SMARCB1: variants seen among roughly 807,000 people sequenced by gnomAD.
The protein encoded by SMARCB1 is SWI/SNF related BAF chromatin remodeling complex subunit B1, also known as SWI/SNF-related matrix-associated actin-dependent regulator of chromatin subfamily B member 1.
In SMARCB1, 5 loss-of-function variants were observed where a neutral mutation model predicts 49.0. The ratio of observed to expected loss-of-function variants is 0.10; its 90% CI spans 0.05 to 0.21. The LOEUF (loss-of-function observed/expected upper bound fraction) is 0.21. SMARCB1 is among the 10% of genes least tolerant of loss of function. The pLI, the probability that SMARCB1 is intolerant of heterozygous loss-of-function variation, is 1.00. For synonymous variants in SMARCB1, 201 were observed against 200.1 expected, an observed-to-expected ratio of 1.00 and a Z score of -0.04; for missense variants, 226 against 509.2, an observed-to-expected ratio of 0.44 and a Z score of 5.35.
chr22:23,801,096 C>T lies in SMARCB1; in HGVS notation c.500+15C>T, dbSNP rs771167929. 7 of 1,614,118 alleles carry T rather than the reference C, an allele frequency of 4.3e-6. No homozygotes were observed. Among genetic ancestry groups the T allele is most frequent in the Non-Finnish European group, 5.9e-6 (7 of 1,180,054 alleles). On this transcript the variant is annotated intron_variant, in intron 4 of 8. Transcript: ENST00000644036. ...TTCCCCCTTTGGTGTGGATGCATCG[C>T]TGCACTCACCCTCCGTGCTGATTCC...
chr22:23,831,985 C>G (rs2030680928), intron 7 of SMARCB1, among the ~76,000 whole-genome samples: 1 of 152,192 alleles, frequency 6.6e-6, no homozygotes, highest in African/African-American at 2.4e-5. Flanking sequence ...TGAGCATGGA[C>G]CTGGTGGGCT....
At position 23,805,825 on chromosome 22, in the gene SMARCB1, A is replaced by C. The variant is rs147882941; in HGVS notation, c.628+2403A>C. ...CGGCTGCTGTTTCTCTTAACATAGAATCTAGCCCAGCATAGGAACTTAGTG... is the reference window on the plus strand; with the variant it reads ...CGGCTGCTGTTTCTCTTAACATAGACTCTAGCCCAGCATAGGAACTTAGTG... On this transcript the variant is annotated intron_variant, in intron 5 of 8. Coordinates refer to ENST00000644036, the MANE Select transcript of SMARCB1 (RefSeq NM_003073.5). Among the ~76,000 whole-genome samples, 102 of 152,304 alleles carry C rather than the reference A, an allele frequency of 6.7e-4. No homozygotes were observed. The Middle Eastern group carries it at 0.01, about 15-fold the overall frequency.
chr22:23,803,464 T>C (rs1244718029), intron 5 of SMARCB1, 42 bp downstream of exon 5: 2 of 1,610,690 alleles, frequency 1.2e-6, no homozygotes, highest in Non-Finnish European at 1.7e-6. Context: ...CCCCAACCCC[T>C]GTGTGTTACG....
intron 1 of SMARCB1, 112 bp downstream of exon 1, chr22:23,787,374 C>T (rs1186622174): frequency 5.9e-6 from 3 of 504,728 alleles, no homozygotes; most frequent in Non-Finnish European, 6.7e-6. Context: ...CGGGCGCGCG[C>T]GCGCGCGCTC....
rs1383073771 is a variant in SMARCB1 at position 23,793,708 on chromosome 22, G to T, written c.362+20G>T. 3.0e-5 allele frequency: 49 copies of T among 1,613,628 alleles called. No homozygotes were observed. Among genetic ancestry groups the T allele is most frequent in the Non-Finnish European group, 3.8e-5 (45 of 1,179,742 alleles). On this transcript the variant is annotated intron_variant, in intron 3 of 8. Coordinates refer to ENST00000644036, the MANE Select transcript of SMARCB1 (RefSeq NM_003073.5). The stretch of plus-strand genomic sequence containing the variant: ...CCTCAGGTAATGCGTTCCTGGCCAG[G>T]GCATCTCTGGGGACACCTGTGGGGT...
chr22:23,787,592 T>C (rs1194288450), intron 1 of SMARCB1, among the ~76,000 whole-genome samples: 1 of 152,180 alleles, frequency 6.6e-6, no homozygotes, highest in Non-Finnish European at 1.5e-5. Flanking sequence ...CTGCGACGCT[T>C]GGGGGACTGC....
At chr22:23,802,148 A>G (rs1929194956) in intron 4 of SMARCB1, 1 of 152,516 alleles carries the variant, frequency 6.6e-6, no homozygotes, top group African/African-American at 2.4e-5. Flanking sequence ...CAGGCAGATC[A>G]TGTCACCTCT....
intron 5 of SMARCB1, among the ~76,000 whole-genome samples, chr22:23,808,245 C>T (rs1023469120): frequency 6.6e-5 from 10 of 152,010 alleles, no homozygotes; most frequent in East Asian, 3.9e-4. Context: ...CTCAGCCTCC[C>T]GAGCAGCTGG....
rs1294321880 is a variant in SMARCB1 at position 23,835,470 on chromosome 22, G to A, written c.*1290G>A. The stretch of plus-strand genomic sequence containing the variant: ...CCATGTGGGGCAGAGGCAGAGCTCT[G>A]ATTAGGGATTGGGGTTCTTGGTCGC... On this transcript the variant is annotated 3_prime_UTR_variant, in exon 9 of 9. Transcript: ENST00000644036. 1.0e-5 allele frequency: 10 copies of A among 985,930 alleles called. No individual in the cohort carries two copies. Among genetic ancestry groups the A allele is most frequent in the Non-Finnish European group, 1.2e-5 (10 of 830,288 alleles). 61.1% of individuals were successfully genotyped at this position (985,930 alleles called of 1,614,324 possible). A position where few individuals can be genotyped will look rare whatever the true frequency, so the allele number is the denominator to read the frequency against.
intron 3 of SMARCB1, 48 bp from the exon 4 acceptor site, chr22:23,800,896 G>C (rs1159058449): frequency 7.1e-7 from 1 of 1,400,422 alleles, no homozygotes; most frequent in Non-Finnish European, 1.0e-6. Context: ...TGGTGGGCAG[G>C]ATCAGGCTCC....
chr22:23,829,059 CAG>C (rs1044154989), intron 7 of SMARCB1, among the ~76,000 whole-genome samples: 45 of 152,310 alleles, frequency 3.0e-4, no homozygotes, highest in South Asian at 2.1e-4. Flanking sequence ...AGGAGGGAGA[CAG>C]GGCTCAAGGG....
rs2030937287 is a variant in SMARCB1, at chr22:23,835,111, A to C, written c.*931A>C. 3 of 1,381,626 alleles carry C rather than the reference A, an allele frequency of 2.2e-6. No homozygotes were observed. The highest frequency in any genetic ancestry group is 2.8e-6 in the Non-Finnish European group (3 of 1,070,730). 85.6% of individuals were successfully genotyped at this position (1,381,626 alleles called of 1,614,324 possible). A position where few individuals can be genotyped will look rare whatever the true frequency, so the allele number is the denominator to read the frequency against. Reference sequence around the variant, plus strand: ...CAAGCCAGCTGTGAGGAATATGGGAATAGCCCTCCCGGCCTGGTGCCAGCT... The same window carrying C: ...CAAGCCAGCTGTGAGGAATATGGGACTAGCCCTCCCGGCCTGGTGCCAGCT... On this transcript the variant is annotated 3_prime_UTR_variant, in exon 9 of 9. Transcript: ENST00000644036.
At chr22:23,819,753 C>T (rs1478882656) in intron 6 of SMARCB1, among the ~76,000 whole-genome samples, 7 of 44,654 alleles carry the variant, frequency 1.6e-4, no homozygotes, top group Non-Finnish European at 3.5e-4. Context: ...TCGGTGGCTG[C>T]ACCTTTTATA....
intron 4 of SMARCB1, 37 bp from the exon 5 acceptor site, chr22:23,803,258 G>A (rs1929280561): frequency 1.2e-6 from 2 of 1,613,580 alleles, no homozygotes; most frequent in South Asian, 2.2e-5. Context: ...TAGGGCTCCG[G>A]CCCCCTCGCT....
rs2031009384 is a variant in SMARCB1 at position 23,835,887 on chromosome 22, C to G, written c.*1707C>G. 1 of 985,404 alleles carries G rather than the reference C, an allele frequency of 1.0e-6. No individual in the cohort carries two copies. Among genetic ancestry groups the G allele is most frequent in the Admixed American group, 6.1e-5 (1 of 16,270 alleles). 61.0% of individuals were successfully genotyped at this position (985,404 alleles called of 1,614,324 possible). On this transcript the variant is annotated 3_prime_UTR_variant, in exon 9 of 9. Transcript: ENST00000644036. ...CCTCACTCCTGACCGCCAGCTCACA[C>G]CGCCGCAAAGCCATCTCCACAAGGT...
At chr22:23,796,654 G>A (rs2186364) in intron 3 of SMARCB1, among the ~76,000 whole-genome samples, 139,803 of 152,298 alleles carry the variant, frequency 0.92, 64,315 homozygotes, top group Middle Eastern at 0.97. Context: ...GGATGGCTTG[G>A]CCTTCCCAGG....
At chr22:23,829,587 G>C (rs1286705598) in intron 7 of SMARCB1, among the ~76,000 whole-genome samples, 1 of 152,206 alleles carries the variant, frequency 6.6e-6, no homozygotes, top group Admixed American at 6.5e-5. Flanking sequence ...CGTTGGGCTG[G>C]TTGAGCGTAA....
chr22:23,827,844 A>C (rs1224004489), intron 7 of SMARCB1, among the ~76,000 whole-genome samples: 1 of 151,994 alleles, frequency 6.6e-6, no homozygotes, highest in East Asian at 1.9e-4. Flanking sequence ...CCCCCACTGT[A>C]CCACCCCACC....
intron 1 of SMARCB1, among the ~76,000 whole-genome samples, chr22:23,790,660 T>C (rs970478461): frequency 6.6e-6 from 1 of 152,108 alleles, no homozygotes; most frequent in Non-Finnish European, 1.5e-5. Flanking sequence ...CTGGGCAACA[T>C]GGTGAAACTC....
Sources: allele counts gnomAD v4.1 joint callset (sites outside exome capture counted in the v4.1 genomes callset), GRCh38; gene constraint gnomAD v4.1.1; transcripts MANE v1.5; gene names NCBI Gene and HGNC (gene_info 2026-07-23, HGNC 2026-07-21).